Variants in MB21D2 observed in about 807,000 individuals in gnomAD.
MB21D2 encodes nucleotidyltransferase MB21D2.
In MB21D2, 9 loss-of-function variants were observed where a neutral mutation model predicts 33.3. The ratio of observed to expected loss-of-function variants is 0.27; its 90% CI spans 0.16 to 0.47. MB21D2 has a LOEUF of 0.47. Among genes scored for constraint, MB21D2 ranks in the 20% least tolerant of loss-of-function variants. The pLI is 0.99. For synonymous variants in MB21D2, 241 were observed against 236.3 expected (o/e 1.02, Z -0.18); for missense variants, 540 against 624.6 (o/e 0.86, Z 1.44).
rs137945365 is a variant in MB21D2, at chr3:192,833,802, G to A, written c.212-34152C>T. On this transcript the variant is annotated intron_variant, in intron 1 of 1. Transcript: ENST00000392452. The stretch of plus-strand genomic sequence containing the variant: ...TGCAATGAAGTTTTTCAATCTCTAT[G>A]ATTCTTCTCCTACCAGCCTGGCTGC... Among the ~76,000 whole-genome samples, 664 of 152,252 alleles carry A rather than the reference G, an allele frequency of 4.4e-3. 12 individuals are homozygous for A. The East Asian group carries it at 0.08, about 18-fold the overall frequency.
At chr3:192,855,104 C>CT (rs144754351) in intron 1 of MB21D2, among the ~76,000 whole-genome samples, 9,733 of 151,480 alleles carry the variant, frequency 0.064, 1,028 homozygotes, top group African/African-American at 0.22. Flanking sequence ...AGCAATAATT[C>CT]TTTTTTTTTC....
chr3:192,805,795 T>C (rs1711649180), intron 1 of MB21D2, among the ~76,000 whole-genome samples: 2 of 152,368 alleles, frequency 1.3e-5, no homozygotes, highest in South Asian at 4.1e-4. Flanking sequence ...AGGATTGCTA[T>C]GAAGTGTCTA....
intron 1 of MB21D2, among the ~76,000 whole-genome samples, chr3:192,868,581 T>C (rs1372662009): frequency 6.6e-6 from 1 of 152,180 alleles, no homozygotes. Flanking sequence ...TCACTTGCCC[T>C]TGATTTTTTC....
chr3:192,851,798 C>T (rs1712812222), intron 1 of MB21D2, among the ~76,000 whole-genome samples: 1 of 152,070 alleles, frequency 6.6e-6, no homozygotes. Context: ...GCATGCCTGG[C>T]CGATTTTTAA....
chr3:192,898,212 T>A (rs1366189797), intron 1 of MB21D2, among the ~76,000 whole-genome samples: 1 of 134,324 alleles, frequency 7.4e-6, no homozygotes, highest in Non-Finnish European at 1.6e-5. Context: ...CAAAAACACA[T>A]GAATCTCACG....
chr3:192,867,796 A>C (rs1311984605), intron 1 of MB21D2, among the ~76,000 whole-genome samples: 1 of 152,156 alleles, frequency 6.6e-6, no homozygotes, highest in East Asian at 1.9e-4. Flanking sequence ...GTCAGGCCTT[A>C]AGAAACTGGC....
intron 1 of MB21D2, among the ~76,000 whole-genome samples, chr3:192,815,918 G>T (rs1014352084): frequency 2.6e-5 from 4 of 152,184 alleles, no homozygotes; most frequent in African/African-American, 7.2e-5. Context: ...GACAATTGGC[G>T]CCCATACCAC....
intron 1 of MB21D2, among the ~76,000 whole-genome samples, chr3:192,908,459 C>T (rs6799112): frequency 2.7e-5 from 4 of 149,764 alleles, no homozygotes; most frequent in Admixed American, 6.7e-5. Context: ...AGTACAGTGA[C>T]GCGATCTAGG....
intron 1 of MB21D2, among the ~76,000 whole-genome samples, chr3:192,914,331 C>T (rs1191979305): frequency 6.6e-6 from 1 of 152,188 alleles, no homozygotes; most frequent in Non-Finnish European, 1.5e-5. Context: ...CCGTAAAAAT[C>T]ATGCCATGGT....
rs1560255280 is a variant in MB21D2, at chr3:192,900,307, A to AAG, written c.211+17322_211+17323insCT. Among the ~76,000 whole-genome samples the AAG allele has an allele frequency of 3.5e-5, 5 of 143,106 alleles. 2 individuals carry two copies. The highest frequency in any genetic ancestry group is 3.0e-5 in the Non-Finnish European group (2 of 66,818). The allele number at this position is 143,106 out of a possible 152,430, so 93.9% of individuals were successfully genotyped here. A position where few individuals can be genotyped will look rare whatever the true frequency, so the allele number is the denominator to read the frequency against. ...CTCAAAAAAAAAAAAAAAAAAAAAA[A>AAG]ATCACAGAAAGTGTTGAGGGGAGAA... On this transcript the variant is annotated intron_variant, in intron 1 of 1. Coordinates refer to ENST00000392452, the MANE Select transcript of MB21D2 (RefSeq NM_178496.4).
At chr3:192,831,142 T>C (rs1282246737) in intron 1 of MB21D2, among the ~76,000 whole-genome samples, 1 of 152,238 alleles carries the variant, frequency 6.6e-6, no homozygotes, top group Non-Finnish European at 1.5e-5. Flanking sequence ...AACCTTTTCT[T>C]GCCTTGGTTC....
chr3:192,839,535 T>G (rs898023370), intron 1 of MB21D2, among the ~76,000 whole-genome samples: 21 of 152,230 alleles, frequency 1.4e-4, no homozygotes, highest in Admixed American at 8.5e-4. Flanking sequence ...AAGGTGACAG[T>G]AAGAAGAAAT....
intron 1 of MB21D2, among the ~76,000 whole-genome samples, chr3:192,837,555 G>C (rs915453306): frequency 1.3e-5 from 2 of 152,180 alleles, no homozygotes; most frequent in Non-Finnish European, 2.9e-5. Context: ...ACCGAATGGA[G>C]GAATCCTGTA....
intron 1 of MB21D2, among the ~76,000 whole-genome samples, chr3:192,822,026 A>G (rs1712070482): frequency 1.3e-5 from 2 of 152,190 alleles, no homozygotes; most frequent in Admixed American, 1.3e-4. Context: ...CCCAGGCATT[A>G]TTTGAAATAT....
intron 1 of MB21D2, among the ~76,000 whole-genome samples, chr3:192,907,212 T>A (rs909660623): frequency 2.0e-5 from 3 of 152,138 alleles, no homozygotes; most frequent in Non-Finnish European, 4.4e-5. Flanking sequence ...AGGTCTATTG[T>A]AAACACTGTC....
At chr3:192,848,396 A>C (rs1325658142) in intron 1 of MB21D2, among the ~76,000 whole-genome samples, 3 of 152,218 alleles carry the variant, frequency 2.0e-5, no homozygotes, top group Non-Finnish European at 1.5e-5. Context: ...ATCTTCAAAA[A>C]ACTCTGGCCC....
intron 1 of MB21D2, among the ~76,000 whole-genome samples, chr3:192,872,468 C>G (rs796770164): frequency 6.6e-6 from 1 of 150,778 alleles, no homozygotes; most frequent in Admixed American, 6.6e-5. Flanking sequence ...CCCAGCTACT[C>G]GGGAGGCTGA....
intron 1 of MB21D2, among the ~76,000 whole-genome samples, chr3:192,904,680 G>C (rs182244254): frequency 6.6e-6 from 1 of 152,332 alleles, no homozygotes; most frequent in East Asian, 1.9e-4. Context: ...GCAGGACACT[G>C]ATACACACTG....
intron 1 of MB21D2, among the ~76,000 whole-genome samples, chr3:192,821,429 C>T (rs527707476): frequency 6.6e-6 from 1 of 152,212 alleles, no homozygotes; most frequent in East Asian, 1.9e-4. Context: ...TCGCTATTGC[C>T]CTGGGAGACC....
Sources: gnomAD v4.1 joint callset for allele counts (sites outside exome capture counted in the v4.1 genomes callset) on GRCh38, gnomAD v4.1.1 for gene constraint, MANE v1.5 for transcripts, NCBI Gene and HGNC (gene_info 2026-07-23, HGNC 2026-07-21) for gene names.